Variants in BCR observed in about 807,000 individuals in gnomAD.
The protein encoded by BCR is BCR activator of RhoGEF and GTPase, also known as breakpoint cluster region protein.
A neutral mutation model predicts 138.6 loss-of-function variants in BCR; 58 were observed. The observed-to-expected ratio is 0.42, with a 90% confidence interval of 0.34 to 0.52. BCR has a LOEUF of 0.52. BCR is among the 20% of genes least tolerant of loss of function. BCR has a pLI of 0.06. For synonymous variants in BCR, 786 were observed against 730.1 expected (o/e 1.08, Z -1.23); for missense variants, 1,599 against 1,727.2 (o/e 0.93, Z 1.32).
chr22:23,196,991 CATAGCTAGCTTTTGCATAT>C (rs1240761781), intron 1 of BCR, among the ~76,000 whole-genome samples: 2 of 152,194 alleles, frequency 1.3e-5, no homozygotes, highest in Non-Finnish European at 2.9e-5. Flanking sequence ...TGTAAAATGC[CATAGCTAGCTTTTGCATAT>C]AACCTATACA....
intron 11 of BCR, 116 bp downstream of exon 11, chr22:23,287,394 G>A: frequency 7.1e-7 from 1 of 1,401,080 alleles, no homozygotes; most frequent in Non-Finnish European, 9.4e-7. Context: ...GGCATGTCCG[G>A]CATGGTGCAT....
chr22:23,265,922 A>T (rs1457213391), intron 4 of BCR, among the ~76,000 whole-genome samples: 3 of 152,172 alleles, frequency 2.0e-5, no homozygotes, highest in Non-Finnish European at 4.4e-5. Context: ...AGTTCATATA[A>T]ACTTCCCCCA....
At chr22:23,235,587 C>T (rs2073014088) in intron 1 of BCR, among the ~76,000 whole-genome samples, 1 of 106,342 alleles carries the variant, frequency 9.4e-6, no homozygotes. Flanking sequence ...GTTTATGTCC[C>T]AGGTGAGTCA....
In BCR at chr22:23,295,061, G is replaced by C; in HGVS notation, c.2918G>C (p.Arg973Thr). 6.2e-7 allele frequency: 1 copy of C among 1,614,158 alleles called. No homozygotes were observed. The highest frequency in any genetic ancestry group is 8.5e-7 in the Non-Finnish European group (1 of 1,180,022). ...GAGCTGGAGGGCTCCCAGACCCTGA[G>C]GATACTGTGCTATGAAAAGTGTTAC... ...EIELEGSQTL[R>T]ILCYEKCYNK... The change falls in exon 16 of 23, where the codon AGG (arginine) becomes ACG (threonine). Residue 973 changes from arginine to threonine, a missense_variant. By Grantham distance (71) the Arg-to-Thr change is moderately conservative (BLOSUM62 -1). Transcript: ENST00000305877.
intron 12 of BCR, among the ~76,000 whole-genome samples, chr22:23,288,794 G>A (rs566654135): frequency 2.6e-5 from 4 of 152,308 alleles, no homozygotes; most frequent in African/African-American, 7.2e-5. Flanking sequence ...CTGTCAGGGC[G>A]CTCCTTCCTT....
chr22:23,240,276 G>A (rs1414514198), intron 1 of BCR, among the ~76,000 whole-genome samples: 1 of 149,912 alleles, frequency 6.7e-6, no homozygotes, highest in Non-Finnish European at 1.5e-5. Context: ...CTATTCTTTT[G>A]TTTTAAATTT....
At chr22:23,290,812 A>G (rs1187260325) in intron 14 of BCR, 1 of 233,770 alleles carries the variant, frequency 4.3e-6, no homozygotes, top group Non-Finnish European at 8.6e-6. Context: ...GTCGAGCTGG[A>G]TGGATACTAC....
intron 16 of BCR, among the ~76,000 whole-genome samples, chr22:23,298,845 G>T (rs146957137): frequency 1.3e-5 from 2 of 152,126 alleles, no homozygotes; most frequent in East Asian, 1.9e-4. Context: ...TGGTCCACCC[G>T]CCTTGGCCTC....
chr22:23,306,613 G>A (rs1356479100), intron 16 of BCR: 3 of 152,214 alleles, frequency 2.0e-5, no homozygotes, highest in Non-Finnish European at 2.9e-5. Context: ...GGGGTGGGAG[G>A]GTGTTCTTCC....
rs540179516 is a variant in BCR at position 23,195,606 on chromosome 22, G to A, written c.1279+13367G>A. Among the ~76,000 whole-genome samples, 16 of 151,964 alleles carry A rather than the reference G, an allele frequency of 1.1e-4. No homozygotes were observed. In the South Asian group the frequency reaches 3.3e-3, roughly 32 times the overall value. ...AGACTGTCTCAAAAAATAAAAACCG[G>A]CCGGGCGCGGTGGCTCGCGCCTGTA... On this transcript the variant is annotated intron_variant, in intron 1 of 22. Transcript: ENST00000305877.
chr22:23,209,997 T>C (rs2146218532), intron 1 of BCR, among the ~76,000 whole-genome samples: 1 of 152,328 alleles, frequency 6.6e-6, no homozygotes, highest in South Asian at 2.1e-4. Flanking sequence ...AGCTATTTGT[T>C]TTTCAACTAA....
At chr22:23,208,035 C>A (rs1200939712) in intron 1 of BCR, among the ~76,000 whole-genome samples, 3 of 152,214 alleles carry the variant, frequency 2.0e-5, no homozygotes, top group Non-Finnish European at 2.9e-5. Context: ...GGCTCATTGG[C>A]TCCTGGTCTC....
At position 23,275,497 on chromosome 22, in the gene BCR, G is replaced by A. The variant is rs541096697; in HGVS notation, c.2115+1723G>A. Reference sequence around the variant, plus strand: ...GCATTGAAGGCGGAAGTGGGTCCCCGGCACCTTCCAGTGGAGGCGTTGAGC... The same window carrying A: ...GCATTGAAGGCGGAAGTGGGTCCCCAGCACCTTCCAGTGGAGGCGTTGAGC... On this transcript the variant is annotated intron_variant, in intron 8 of 22. Transcript: ENST00000305877. Among the ~76,000 whole-genome samples, 69 of 152,322 alleles carry A rather than the reference G, an allele frequency of 4.5e-4. 1 individual carries two copies. Among genetic ancestry groups the A allele is most frequent in the Admixed American group, 4.2e-3 (65 of 15,304 alleles).
At chr22:23,242,059 A>G (rs1038625163) in intron 1 of BCR, among the ~76,000 whole-genome samples, 2 of 152,194 alleles carry the variant, frequency 1.3e-5, no homozygotes, top group Non-Finnish European at 2.9e-5. Flanking sequence ...AACTGACACC[A>G]GGTACATTAA....
At chr22:23,222,436 G>C (rs1278428518) in intron 1 of BCR, among the ~76,000 whole-genome samples, 1 of 152,240 alleles carries the variant, frequency 6.6e-6, no homozygotes, top group Non-Finnish European at 1.5e-5. Flanking sequence ...ATGTTGGTGG[G>C]AAAAGGTTGA....
rs112561203 is a variant in BCR, at chr22:23,200,086, C to CAA, written c.1279+17861_1279+17862dup. Among the ~76,000 whole-genome samples, 248 of 104,070 alleles carry CAA rather than the reference C, an allele frequency of 2.4e-3. 5 individuals are homozygous for CAA. The highest frequency in any genetic ancestry group is 7.5e-3 in the African/African-American group (238 of 31,622). 68.3% of individuals were successfully genotyped at this position (104,070 alleles called of 152,430 possible). A position where few individuals can be genotyped will look rare whatever the true frequency, so the allele number is the denominator to read the frequency against. On this transcript the variant is annotated intron_variant, in intron 1 of 22. Transcript: ENST00000305877. ...TGGGTGACAGAGCAAGACTGCGTCT[C>CAA]AAAAAAAAAAAAAAAGCAAGACAAG...
intron 1 of BCR, among the ~76,000 whole-genome samples, chr22:23,229,876 G>C (rs2072936157): frequency 6.6e-6 from 1 of 152,134 alleles, no homozygotes; most frequent in South Asian, 2.1e-4. Flanking sequence ...GGTTAGTGTA[G>C]AGTGGAAAGA....
rs2073356697 is a variant in BCR at position 23,261,533 on chromosome 22, A to G, written c.1745A>G (p.Gln582Arg). 6.2e-7 allele frequency: 1 copy of G among 1,611,996 alleles called. No homozygotes were observed. The highest frequency in any genetic ancestry group is 8.5e-7 in the Non-Finnish European group (1 of 1,180,002). ...CAGCAGCGGGTGGGCGACCTCTTCC[A>G]GAAGCTGGTGAGTAACCCAGGGCCG... ...SHQQRVGDLF[Q>R]KLASQLGVYR... Residue 582 changes from glutamine (Q) to arginine (R), a missense_variant, in exon 4 of 23, where the codon CAG becomes CGG. This residue lies in a region of BCR where 590 missense variants were observed against 762.4 expected (regional missense o/e 0.77). Coordinates refer to ENST00000305877, the MANE Select transcript of BCR (RefSeq NM_004327.4).
intron 1 of BCR, among the ~76,000 whole-genome samples, chr22:23,232,461 T>C (rs1191049078): frequency 6.6e-6 from 1 of 152,180 alleles, no homozygotes; most frequent in African/African-American, 2.4e-5. Flanking sequence ...TAGGGGGACC[T>C]CAGGCCTGTC....
Sources: gnomAD v4.1 joint callset for allele counts (sites outside exome capture counted in the v4.1 genomes callset) on GRCh38, gnomAD v4.1.1 for gene constraint, gnomAD v4.1.1 regional missense constraint, MANE v1.5 for transcripts, NCBI Gene and HGNC (gene_info 2026-07-23, HGNC 2026-07-21) for gene names.